RANBP17: variants seen among roughly 807,000 people sequenced by gnomAD.
The protein encoded by RANBP17 is ran-binding protein 17.
In RANBP17, 158 loss-of-function variants were observed where a neutral mutation model predicts 141.2. The observed-to-expected ratio is 1.12, with a 90% CI of 0.98 to 1.28. RANBP17 has a LOEUF of 1.28. Among genes scored for constraint, RANBP17 ranks in the 50% most tolerant of loss-of-function variants. The pLI, the probability that RANBP17 is intolerant of heterozygous loss-of-function variation, is 0.00. For missense variants in RANBP17, 1,438 were observed against 1,290.7 expected, an observed-to-expected ratio of 1.11 and a Z score of -1.75; for synonymous variants, 430 against 450.0, an observed-to-expected ratio of 0.96 and a Z score of 0.56.
intron 14 of RANBP17, among the ~76,000 whole-genome samples, chr5:171,155,359 T>G (rs1380001649): frequency 6.6e-6 from 1 of 151,886 alleles, no homozygotes; most frequent in East Asian, 1.9e-4. Context: ...GTCAGTTATT[T>G]TTCTTGATCA....
chr5:171,249,915 C>T (rs1489638888), intron 24 of RANBP17, among the ~76,000 whole-genome samples: 1 of 152,028 alleles, frequency 6.6e-6, no homozygotes, highest in African/African-American at 2.4e-5. Flanking sequence ...CTCAGTGATC[C>T]CTAGGAAGAT....
chr5:171,024,163 C>A (rs1271951701), intron 14 of RANBP17, among the ~76,000 whole-genome samples: 1 of 152,016 alleles, frequency 6.6e-6, no homozygotes, highest in African/African-American at 2.4e-5. Flanking sequence ...TTAATAACTG[C>A]AAATCAAAAA....
chr5:171,080,673 G>GTTGGTGTTTT (rs1561630454), intron 14 of RANBP17, among the ~76,000 whole-genome samples: 1 of 152,156 alleles, frequency 6.6e-6, no homozygotes, highest in Non-Finnish European at 1.5e-5. Context: ...GATGATGGAC[G>GTTGGTGTTTT]TTGGTGTTTT....
intron 13 of RANBP17, among the ~76,000 whole-genome samples, chr5:170,960,646 A>G (rs1223779833): frequency 6.6e-6 from 1 of 152,196 alleles, no homozygotes; most frequent in Non-Finnish European, 1.5e-5. Context: ...CTGGATTAGT[A>G]GTAAGTTTTT....
chr5:171,108,706 C>T (rs1399009180), intron 14 of RANBP17, among the ~76,000 whole-genome samples: 4 of 152,134 alleles, frequency 2.6e-5, no homozygotes, highest in Non-Finnish European at 5.9e-5. Flanking sequence ...GCCACCACCC[C>T]CAGATGTTAA....
chr5:171,143,912 G>A (rs759125735), intron 14 of RANBP17, among the ~76,000 whole-genome samples: 9 of 152,178 alleles, frequency 5.9e-5, no homozygotes, highest in African/African-American at 1.2e-4. Context: ...GTATTACAGA[G>A]CATGACATGA....
chr5:170,946,760 A>G (rs188894334), intron 12 of RANBP17, among the ~76,000 whole-genome samples: 14 of 152,308 alleles, frequency 9.2e-5, no homozygotes, highest in African/African-American at 2.6e-4. Flanking sequence ...TGTTTTCTAT[A>G]TAAGACACAT....
chr5:171,030,585 G>A (rs181449236), intron 14 of RANBP17, among the ~76,000 whole-genome samples: 2 of 151,882 alleles, frequency 1.3e-5, no homozygotes, highest in Admixed American at 1.3e-4. Flanking sequence ...AGATGATTAG[G>A]TTCCTGTATG....
chr5:171,213,717 T>G lies in RANBP17; in HGVS notation c.2318T>G (p.Met773Arg), dbSNP rs147442719. The G allele has an allele frequency of 3.1e-6, 5 of 1,613,110 alleles. No individual in the cohort carries two copies. The highest frequency in any genetic ancestry group is 2.7e-5 in the African/African-American group (2 of 74,908). The stretch of plus-strand genomic sequence containing the variant: ...TGTACAACTCCCATCTTGAAACTTA[T>G]GGCAGAACTTATGCAAAACAGGTAA... ...PTCTTPILKL[M>R]AELMQNRSQR... Residue 773 changes from methionine to arginine, a missense_variant, in exon 21 of 28, where the codon ATG (methionine) becomes AGG (arginine). Physicochemically the swap from Met to Arg is moderately conservative, Grantham distance 91. Transcript: ENST00000523189.
chr5:170,973,343 A>G (rs1777123815), intron 14 of RANBP17, among the ~76,000 whole-genome samples: 1 of 152,170 alleles, frequency 6.6e-6, no homozygotes, highest in Non-Finnish European at 1.5e-5. Context: ...AATTTCTAGT[A>G]GAAGACAGAC....
intron 1 of RANBP17, among the ~76,000 whole-genome samples, chr5:170,873,099 T>C (rs906765153): frequency 6.6e-6 from 1 of 152,036 alleles, no homozygotes; most frequent in African/African-American, 2.4e-5. Flanking sequence ...TTAGTAGAGA[T>C]GGGGTTTTGC....
chr5:171,040,967 C>T (rs191391887), intron 14 of RANBP17, among the ~76,000 whole-genome samples: 2 of 152,070 alleles, frequency 1.3e-5, no homozygotes, highest in Admixed American at 1.3e-4. Flanking sequence ...AGGTTTCAGT[C>T]GAAATGTTGA....
At chr5:171,251,765 G>A (rs914578581) in intron 24 of RANBP17, 23 of 943,290 alleles carry the variant, frequency 2.4e-5, no homozygotes, top group African/African-American at 6.5e-5. Flanking sequence ...CCCTCCTCCC[G>A]CGCCCGCCCC....
chr5:170,993,393 A>C (rs1034135246), intron 14 of RANBP17, among the ~76,000 whole-genome samples: 1 of 152,026 alleles, frequency 6.6e-6, no homozygotes, highest in Non-Finnish European at 1.5e-5. Context: ...TTATCTGTAG[A>C]CTGTAACTTT....
chr5:170,927,666 C>CTTTCCTTT (rs1194276529), intron 12 of RANBP17, among the ~76,000 whole-genome samples: 1 of 151,452 alleles, frequency 6.6e-6, no homozygotes, highest in Non-Finnish European at 1.5e-5. Context: ...TCCTTTTTTT[C>CTTTCCTTT]TTTGCATATG....
At chr5:171,103,598 A>G (rs920411239) in intron 14 of RANBP17, among the ~76,000 whole-genome samples, 1 of 151,776 alleles carries the variant, frequency 6.6e-6, no homozygotes, top group Non-Finnish European at 1.5e-5. Context: ...CCCCCTTTCC[A>G]GGGGAGTGAA....
At chr5:170,994,597 C>G (rs1338708252) in intron 14 of RANBP17, among the ~76,000 whole-genome samples, 2 of 151,998 alleles carry the variant, frequency 1.3e-5, no homozygotes, top group African/African-American at 4.8e-5. Flanking sequence ...GATTCTATCC[C>G]AAGAAATGCT....
intron 5 of RANBP17, among the ~76,000 whole-genome samples, chr5:170,899,120 A>G (rs1286323966): frequency 6.6e-6 from 1 of 152,184 alleles, no homozygotes; most frequent in Non-Finnish European, 1.5e-5. Context: ...CAATATGGCC[A>G]TTTTCACAAT....
chr5:170,988,132 C>T (rs1778271796), intron 14 of RANBP17, among the ~76,000 whole-genome samples: 1 of 151,300 alleles, frequency 6.6e-6, no homozygotes, highest in Non-Finnish European at 1.5e-5. Context: ...CTATTTTTTC[C>T]TCTCTTTTTT....
Sources: allele counts gnomAD v4.1 joint callset (sites outside exome capture counted in the v4.1 genomes callset), GRCh38; gene constraint gnomAD v4.1.1; transcripts MANE v1.5; gene names NCBI Gene and HGNC (gene_info 2026-07-23, HGNC 2026-07-21).